Variants in JARID2 observed in about 807,000 individuals in gnomAD.
The protein encoded by JARID2 is jumonji and AT-rich interaction domain containing 2.
A neutral mutation model predicts 125.6 loss-of-function variants in JARID2; 21 were observed. The ratio of observed to expected loss-of-function variants is 0.17; its 90% confidence interval spans 0.12 to 0.24. JARID2 has a LOEUF of 0.24. Among genes scored for constraint, JARID2 ranks in the 10% least tolerant of loss-of-function variants. The probability of loss-of-function intolerance (pLI) is 1.00; values close to 1 mark genes in which losing one functional copy is unlikely to be tolerated. For missense variants in JARID2, 1,303 were observed against 1,639.6 expected (o/e 0.79, Z 3.55); for synonymous variants, 736 against 661.6 (o/e 1.11, Z -1.73).
At chr6:15,494,155 G>T (rs924517132) in intron 6 of JARID2, among the ~76,000 whole-genome samples, 1 of 152,180 alleles carries the variant, frequency 6.6e-6, no homozygotes. Flanking sequence ...TTAATTGGTG[G>T]CATATAGAGA....
At chr6:15,508,524 TG>T in intron 12 of JARID2, 70 bp downstream of exon 12, 1 of 853,712 alleles carries the variant, frequency 1.2e-6, no homozygotes, top group South Asian at 1.3e-5. Context: ...GTGGGGCCTG[TG>T]GGTAACTTCT....
Position 15,246,366 on chromosome 6 carries a change from C to T in JARID2, c.-174C>T. On this transcript the variant is annotated 5_prime_UTR_variant, in exon 1 of 18. Transcript: ENST00000341776. Reference sequence around the variant, plus strand: ...GCTCTTTTTTTTTCCTTCCCAATTTCGGATTTATTTCAAGGCGAATCTGGC... The same window carrying T: ...GCTCTTTTTTTTTCCTTCCCAATTTTGGATTTATTTCAAGGCGAATCTGGC... The T allele has an allele frequency of 1.3e-5, 7 of 538,192 alleles. No individual in the cohort carries two copies. The highest frequency in any genetic ancestry group is 2.6e-5 in the South Asian group (1 of 38,254). The allele number at this position is 538,192 out of a possible 1,614,324, so 33.3% of individuals were successfully genotyped here. A position where few individuals can be genotyped will look rare whatever the true frequency, so the allele number is the denominator to read the frequency against.
At chr6:15,276,378 A>C (rs183126003) in intron 1 of JARID2, among the ~76,000 whole-genome samples, 2 of 152,318 alleles carry the variant, frequency 1.3e-5, no homozygotes, top group Admixed American at 1.3e-4. Context: ...TGGAGAGATA[A>C]AGTATATTCC....
intron 2 of JARID2, among the ~76,000 whole-genome samples, chr6:15,383,282 G>A (rs1403873303): frequency 6.7e-6 from 1 of 149,164 alleles, no homozygotes; most frequent in African/African-American, 2.5e-5. Context: ...CTACTGGCAT[G>A]TATCATCATG....
chr6:15,399,885 G>A (rs1765358492), intron 2 of JARID2, among the ~76,000 whole-genome samples: 1 of 152,224 alleles, frequency 6.6e-6, no homozygotes, highest in South Asian at 2.1e-4. Context: ...AGAGAAGCAT[G>A]TGGTAGTGTT....
At chr6:15,384,727 G>T (rs1200006916) in intron 2 of JARID2, among the ~76,000 whole-genome samples, 1 of 152,008 alleles carries the variant, frequency 6.6e-6, no homozygotes, top group East Asian at 1.9e-4. Flanking sequence ...TCAAGTTGCT[G>T]GGACTTCAGG....
intron 2 of JARID2, among the ~76,000 whole-genome samples, chr6:15,376,999 G>A (rs775605707): frequency 3.3e-5 from 5 of 152,278 alleles, no homozygotes; most frequent in Admixed American, 1.3e-4. Flanking sequence ...GTATATATGC[G>A]TGTATGTATA....
chr6:15,247,308 G>C, intron 1 of JARID2: 1 of 469,342 alleles, frequency 2.1e-6, no homozygotes, highest in South Asian at 9.3e-5. Context: ...CTGGGCTTCT[G>C]AAATTGGGTG....
chr6:15,386,408 G>A (rs1204822412), intron 2 of JARID2, among the ~76,000 whole-genome samples: 1 of 152,152 alleles, frequency 6.6e-6, no homozygotes, highest in Non-Finnish European at 1.5e-5. Flanking sequence ...ATAACCAAGT[G>A]AGCAACACTC....
At chr6:15,417,806 G>C (rs1227422560) in intron 3 of JARID2, among the ~76,000 whole-genome samples, 1 of 152,200 alleles carries the variant, frequency 6.6e-6, no homozygotes, top group Non-Finnish European at 1.5e-5. Context: ...TACTCTGTAT[G>C]TTAGATGTTA....
At chr6:15,369,861 T>C (rs1764101592) in intron 1 of JARID2, among the ~76,000 whole-genome samples, 1 of 152,232 alleles carries the variant, frequency 6.6e-6, no homozygotes, top group African/African-American at 2.4e-5. Context: ...ACTGGCACTT[T>C]TTCTTACAGA....
chr6:15,463,532 G>C (rs1416301482), intron 4 of JARID2, among the ~76,000 whole-genome samples: 2 of 150,834 alleles, frequency 1.3e-5, no homozygotes, highest in Non-Finnish European at 2.9e-5. Context: ...CTGGGTTCAA[G>C]TGATTCTCCT....
At chr6:15,426,183 C>G (rs1424873365) in intron 3 of JARID2, among the ~76,000 whole-genome samples, 2 of 152,096 alleles carry the variant, frequency 1.3e-5, no homozygotes, top group Non-Finnish European at 2.9e-5. Context: ...CCAGAGTTTT[C>G]GAGATTGTGA....
At chr6:15,372,056 T>C (rs1764190594) in intron 1 of JARID2, among the ~76,000 whole-genome samples, 1 of 152,208 alleles carries the variant, frequency 6.6e-6, no homozygotes, top group Non-Finnish European at 1.5e-5. Context: ...TTAACGAAAG[T>C]GCAGCTTAAG....
intron 1 of JARID2, among the ~76,000 whole-genome samples, chr6:15,309,212 C>T (rs1358230709): frequency 2.0e-5 from 3 of 152,180 alleles, no homozygotes; most frequent in Non-Finnish European, 4.4e-5. Context: ...ACTCATTGTT[C>T]ATCATCTTTG....
At position 15,425,786 on chromosome 6, in the gene JARID2, G is replaced by T. The variant is rs553909500; in HGVS notation, c.323+15421G>T. Reference sequence around the variant, plus strand: ...AGCCTCAAATGGACTAAGAGCGCAAGTGTGCTGCAAAAGAAAGATGCGTGA... The same window carrying T: ...AGCCTCAAATGGACTAAGAGCGCAATTGTGCTGCAAAAGAAAGATGCGTGA... On this transcript the variant is annotated intron_variant, in intron 3 of 17. Transcript: ENST00000341776. 7.9e-5 allele frequency among the ~76,000 whole-genome samples: 12 copies of T among 152,348 alleles called. No homozygotes were observed. The South Asian group carries it at 2.5e-3, about 32-fold the overall frequency.
At chr6:15,368,470 T>C (rs1219421951) in intron 1 of JARID2, among the ~76,000 whole-genome samples, 2 of 152,238 alleles carry the variant, frequency 1.3e-5, no homozygotes, top group African/African-American at 4.8e-5. Context: ...AGACTGTGCA[T>C]GGAAATAGAA....
chr6:15,454,553 A>G (rs1768067022), intron 4 of JARID2, among the ~76,000 whole-genome samples: 1 of 152,112 alleles, frequency 6.6e-6, no homozygotes, highest in Non-Finnish European at 1.5e-5. Context: ...TCATGGCTCT[A>G]AGCAGCCTCG....
intron 1 of JARID2, chr6:15,249,063 T>C: frequency 1.9e-6 from 1 of 540,166 alleles, no homozygotes; most frequent in Non-Finnish European, 2.4e-6. Context: ...GCCTCCTTTC[T>C]GCAGGAATGT....
Sources: gnomAD v4.1 joint callset for allele counts (sites outside exome capture counted in the v4.1 genomes callset) on GRCh38, gnomAD v4.1.1 for gene constraint, MANE v1.5 for transcripts, NCBI Gene and HGNC (gene_info 2026-07-23, HGNC 2026-07-21) for gene names.